The following NTNG2 variants were observed in gnomAD, a reference collection of about 807,000 sequenced individuals.
The protein encoded by NTNG2 is netrin G2.
In NTNG2, 15 loss-of-function variants were observed where a neutral mutation model predicts 47.6. That is an observed-to-expected ratio of 0.32 (90% CI 0.21 to 0.49). The LOEUF is 0.49. Ranked by LOEUF, NTNG2 falls within the 20% of genes least tolerant of loss-of-function variation. The probability of loss-of-function intolerance (pLI) is 0.99; values close to 1 mark genes in which losing one functional copy is unlikely to be tolerated. For missense variants in NTNG2, 578 were observed against 764.6 expected (o/e 0.76, Z 2.88); for synonymous variants, 307 against 324.6 (o/e 0.95, Z 0.58).
intron 2 of NTNG2, among the ~76,000 whole-genome samples, chr9:132,190,297 G>C (rs1837784223): frequency 6.7e-6 from 1 of 150,320 alleles, no homozygotes; most frequent in Non-Finnish European, 1.5e-5. Flanking sequence ...GGCTTCATTG[G>C]GCTCAAGGAA....
chr9:132,241,852 G>T, intron 7 of NTNG2, 24 bp from the exon 8 acceptor site: 1 of 1,525,284 alleles, frequency 6.6e-7, no homozygotes. Flanking sequence ...CACCCCCCGT[G>T]CTGACCGCCC....
At chr9:132,164,362 T>G (rs1835341597) in intron 1 of NTNG2, among the ~76,000 whole-genome samples, 1 of 152,040 alleles carries the variant, frequency 6.6e-6, no homozygotes, top group South Asian at 2.1e-4. Context: ...CCCGGCGGCG[T>G]CCAGCGCCCT....
At chr9:132,200,453 G>A (rs902286501) in intron 3 of NTNG2, among the ~76,000 whole-genome samples, 1 of 152,246 alleles carries the variant, frequency 6.6e-6, no homozygotes, top group African/African-American at 2.4e-5. Flanking sequence ...AATATGCCTT[G>A]TATATCATTT....
chr9:132,204,775 G>A (rs773304088), intron 3 of NTNG2, among the ~76,000 whole-genome samples: 1 of 152,096 alleles, frequency 6.6e-6, no homozygotes, highest in Non-Finnish European at 1.5e-5. Context: ...AGGCCAGGAG[G>A]TTGAGATATA....
At chr9:132,204,484 G>A (rs1380395718) in intron 3 of NTNG2, among the ~76,000 whole-genome samples, 1 of 152,112 alleles carries the variant, frequency 6.6e-6, no homozygotes, top group Non-Finnish European at 1.5e-5. Context: ...GCAGAGACAG[G>A]CGATTTCAGC....
In NTNG2 at chr9:132,215,483, G is replaced by T. The variant is rs562450216; in HGVS notation, c.858-11366G>T. 2.7e-5 allele frequency among the ~76,000 whole-genome samples: 3 copies of T among 111,712 alleles called. No individual in the cohort carries two copies. The South Asian group carries it at 9.3e-4, about 35-fold the overall frequency. 73.3% of individuals were successfully genotyped at this position (111,712 alleles called of 152,430 possible). A position where few individuals can be genotyped will look rare whatever the true frequency, so the allele number is the denominator to read the frequency against. ...TAATCCCAGCTACTCGGGAGGCTGA[G>T]GCAGGATAATTGCTTGAACCCAGGA... On this transcript the variant is annotated intron_variant, in intron 3 of 7. Transcript: ENST00000393229. The surrounding 1 kb of genome is among the most constrained non-coding windows in gnomAD (Gnocchi z 4.2).
intron 4 of NTNG2, 119 bp from the exon 5 acceptor site, chr9:132,230,453 T>A (rs1203505764): frequency 1.2e-6 from 1 of 828,442 alleles, no homozygotes; most frequent in African/African-American, 1.7e-5. Flanking sequence ...GTGGAGCAGG[T>A]GCTCTTGAGG....
chr9:132,202,330 C>T (rs979029416), intron 3 of NTNG2, among the ~76,000 whole-genome samples: 3 of 152,048 alleles, frequency 2.0e-5, no homozygotes, highest in African/African-American at 4.8e-5. Flanking sequence ...CAGCCCAGGG[C>T]CCTGGGAAGG....
intron 3 of NTNG2, among the ~76,000 whole-genome samples, chr9:132,223,615 A>T (rs769569830): frequency 7.8e-4 from 119 of 152,268 alleles, no homozygotes; most frequent in Non-Finnish European, 9.4e-4. Flanking sequence ...AGTTGCAGTG[A>T]GCCAAGATTG....
chr9:132,173,853 G>A (rs1338318994), intron 2 of NTNG2, among the ~76,000 whole-genome samples: 22 of 143,972 alleles, frequency 1.5e-4, no homozygotes, highest in South Asian at 4.6e-4. Flanking sequence ...TGAGATGGAT[G>A]GATGGACAGA....
At chr9:132,173,367 T>C (rs1259972678) in intron 2 of NTNG2, among the ~76,000 whole-genome samples, 2 of 152,152 alleles carry the variant, frequency 1.3e-5, no homozygotes, top group Non-Finnish European at 2.9e-5. Context: ...GTGAGACCCT[T>C]GCTTCTGACT....
intron 2 of NTNG2, among the ~76,000 whole-genome samples, chr9:132,193,668 A>T (rs1838062404): frequency 6.6e-6 from 1 of 152,084 alleles, no homozygotes; most frequent in African/African-American, 2.4e-5. Flanking sequence ...AAAAACTCCC[A>T]ATTCGTCTCT....
In NTNG2 at chr9:132,243,355, C is replaced by T. The variant is rs573398414; in HGVS notation, c.*1244C>T. 2.9e-3 allele frequency: 443 copies of T among 152,376 alleles called. 1 individual carries two copies. Among genetic ancestry groups the T allele is most frequent in the Non-Finnish European group, 5.4e-3 (367 of 68,074 alleles). The allele number at this position is 152,376 out of a possible 1,614,324, so 9.4% of individuals were successfully genotyped here. A position where few individuals can be genotyped will look rare whatever the true frequency, so the allele number is the denominator to read the frequency against. On this transcript the variant is annotated 3_prime_UTR_variant, in exon 8 of 8. Coordinates refer to ENST00000393229, the MANE Select transcript of NTNG2 (RefSeq NM_032536.4). ...AGGCGGGCAGTGCAGAGACCCCAGA[C>T]GTGCCGGCCCTGTCCTCCCTACCTT...
At chr9:132,241,404 G>A (rs1841978485) in intron 7 of NTNG2, 1 of 373,694 alleles carries the variant, frequency 2.7e-6, no homozygotes, top group Admixed American at 4.5e-5. Context: ...GCCGGGCCGA[G>A]GGGCGGGTCC....
chr9:132,184,490 G>A (rs1837188244), intron 2 of NTNG2, among the ~76,000 whole-genome samples: 1 of 152,240 alleles, frequency 6.6e-6, no homozygotes, highest in South Asian at 2.1e-4. Flanking sequence ...GTGGCCAGGG[G>A]TGTTTTCCCT....
intron 5 of NTNG2, chr9:132,233,933 A>T (rs1018532412): frequency 1.3e-5 from 2 of 152,064 alleles, no homozygotes; most frequent in African/African-American, 2.4e-5. Context: ...AGAATTATGG[A>T]GAGGCACGGG....
At chr9:132,240,593 G>A (rs868005886) in intron 6 of NTNG2, 8 of 471,826 alleles carry the variant, frequency 1.7e-5, no homozygotes, top group Middle Eastern at 1.2e-3. Context: ...TAGCTCTTTG[G>A]AGATGGGAAG....
rs780085300 is a variant in NTNG2 at position 132,226,951 on chromosome 9, G to A, written c.960G>A (p.Lys320=). ...NTTGPDCGKC[K]KNFRTRSWRA... is the part of the protein sequence containing the mutation. The stretch of plus-strand genomic sequence containing the variant: ...CCGGCCCCGACTGCGGCAAGTGCAA[G>A]AAGAATTTCCGCACCCGGTCCTGGC... Residue 320 remains lysine (K), a synonymous_variant, in exon 4 of 8, where the codon AAG becomes AAA. Coordinates refer to ENST00000393229, the MANE Select transcript of NTNG2 (RefSeq NM_032536.4). This position sits in a 1 kb window ranked among gnomAD's most constrained non-coding sequence, Gnocchi z 4.8. 3.1e-6 allele frequency: 5 copies of A among 1,612,794 alleles called. No individual in the cohort carries two copies. The South Asian group carries it at 5.5e-5, about 18-fold the overall frequency.
At chr9:132,211,114 T>C (rs987652387) in intron 3 of NTNG2, among the ~76,000 whole-genome samples, 28 of 152,236 alleles carry the variant, frequency 1.8e-4, no homozygotes, top group African/African-American at 6.3e-4. Context: ...ACCAGAGGCC[T>C]TGGCTTGACT....
Sources: allele counts gnomAD v4.1 joint callset (sites outside exome capture counted in the v4.1 genomes callset), GRCh38; gene constraint gnomAD v4.1.1; non-coding constraint Gnocchi (gnomAD v3.1); transcripts MANE v1.5; gene names NCBI Gene and HGNC (gene_info 2026-07-23, HGNC 2026-07-21).